Variants in CLASP1 observed in about 807,000 individuals in gnomAD.
CLASP1 encodes CLIP-associating protein 1.
Under a neutral mutation model 192.3 loss-of-function variants are expected in CLASP1, and 38 were observed. The observed-to-expected ratio is 0.20, with a 90% CI of 0.15 to 0.26. The LOEUF (loss-of-function observed/expected upper bound fraction) is 0.26, where lower values mean the gene tolerates loss of function less well. Among genes scored for constraint, CLASP1 ranks in the 10% least tolerant of loss-of-function variants. The probability of loss-of-function intolerance (pLI) is 1.00; values close to 1 mark genes in which losing one functional copy is unlikely to be tolerated. For missense variants in CLASP1, 1,433 were observed against 1,932.5 expected, an observed-to-expected ratio of 0.74 and a Z score of 4.85; for synonymous variants, 691 against 712.8, an observed-to-expected ratio of 0.97 and a Z score of 0.49.
intron 14 of CLASP1, among the ~76,000 whole-genome samples, chr2:121,456,372 G>C (rs1211758961): frequency 6.6e-6 from 1 of 151,266 alleles, no homozygotes; most frequent in Admixed American, 6.6e-5. Context: ...AAAAAGATTA[G>C]TGGGCCATGG....
intron 2 of CLASP1, among the ~76,000 whole-genome samples, chr2:121,543,723 G>A (rs1451720852): frequency 6.6e-6 from 1 of 151,986 alleles, no homozygotes; most frequent in Admixed American, 6.6e-5. Context: ...ACCCCAATCT[G>A]AATAGTACTT....
At chr2:121,585,401 T>C (rs1054097602) in intron 2 of CLASP1, among the ~76,000 whole-genome samples, 5 of 152,168 alleles carry the variant, frequency 3.3e-5, no homozygotes, top group Non-Finnish European at 7.4e-5. Flanking sequence ...TTTCAGAGGA[T>C]GTGCAGGTAC....
chr2:121,599,587 C>CA (rs763909303), intron 2 of CLASP1, among the ~76,000 whole-genome samples: 2,184 of 39,384 alleles, frequency 0.055, 62 homozygotes, highest in African/African-American at 0.085. Flanking sequence ...GACTCCATCT[C>CA]AAAAAAAAAA....
At chr2:121,493,569 C>T (rs2093409308) in intron 8 of CLASP1, among the ~76,000 whole-genome samples, 1 of 152,100 alleles carries the variant, frequency 6.6e-6, no homozygotes, top group Admixed American at 6.6e-5. Flanking sequence ...GGGAAACTCT[C>T]CAGGACATTG....
At chr2:121,461,344 A>C (rs1458573042) in intron 10 of CLASP1, 151 bp from the exon 11 acceptor site, 2 of 580,188 alleles carry the variant, frequency 3.4e-6, no homozygotes, top group Non-Finnish European at 3.0e-6. Flanking sequence ...AGTTTTGTCT[A>C]TAATGAGGAT....
intron 7 of CLASP1, among the ~76,000 whole-genome samples, chr2:121,513,839 C>T (rs1326877642): frequency 6.6e-6 from 1 of 152,194 alleles, no homozygotes; most frequent in Non-Finnish European, 1.5e-5. Flanking sequence ...AGACTCAGTG[C>T]CCTGGGTTTT....
chr2:121,509,138 C>A (rs1316918093), intron 7 of CLASP1, among the ~76,000 whole-genome samples: 5 of 152,134 alleles, frequency 3.3e-5, no homozygotes, highest in Admixed American at 3.3e-4. Context: ...CCAACTAGAA[C>A]AAACATCTAT....
chr2:121,631,144 G>A (rs2069527931), intron 1 of CLASP1, among the ~76,000 whole-genome samples: 1 of 95,314 alleles, frequency 1.0e-5, no homozygotes, highest in Non-Finnish European at 1.8e-5. Context: ...GGGTGACAAA[G>A]CGAGACTCCA....
At chr2:121,551,738 T>A (rs972555983) in intron 2 of CLASP1, among the ~76,000 whole-genome samples, 4 of 152,152 alleles carry the variant, frequency 2.6e-5, no homozygotes, top group African/African-American at 9.7e-5. Flanking sequence ...TGCCCATGGA[T>A]AGGAAGAATC....
intron 2 of CLASP1, among the ~76,000 whole-genome samples, chr2:121,586,180 T>C (rs1264834413): frequency 6.6e-6 from 1 of 152,232 alleles, no homozygotes; most frequent in Non-Finnish European, 1.5e-5. Flanking sequence ...CAGGCTGGAA[T>C]GCAGTGGCAT....
exon 20 of CLASP1, chr2:121,430,165 G>C: frequency 3.8e-6 from 6 of 1,566,636 alleles, no homozygotes; most frequent in Non-Finnish European, 4.3e-6. Flanking sequence ...TTGCCGTCTT[G>C]TGCGGATCCG....
chr2:121,405,737 T>C (rs1010453955), intron 25 of CLASP1, among the ~76,000 whole-genome samples: 1 of 152,210 alleles, frequency 6.6e-6, no homozygotes, highest in African/African-American at 2.4e-5. Context: ...ATTAAACAGA[T>C]TCTTGAGGAA....
At chr2:121,463,357 C>A (rs2088551153) in intron 9 of CLASP1, among the ~76,000 whole-genome samples, 1 of 152,112 alleles carries the variant, frequency 6.6e-6, no homozygotes, top group Non-Finnish European at 1.5e-5. Context: ...ACTCATGTAT[C>A]TGGTGTTCAG....
chr2:121,398,348 C>T, exon 29 of CLASP1: 1 of 1,599,504 alleles, frequency 6.3e-7, no homozygotes, highest in Non-Finnish European at 8.5e-7. Flanking sequence ...TGAGTTTGAT[C>T]CACAATAAAT....
At chr2:121,566,548 C>T (rs1370335518) in intron 2 of CLASP1, among the ~76,000 whole-genome samples, 1 of 152,144 alleles carries the variant, frequency 6.6e-6, no homozygotes, top group Non-Finnish European at 1.5e-5. Flanking sequence ...ACAGGACTTC[C>T]TTAGGTGAGC....
chr2:121,388,023 G>T, intron 30 of CLASP1, 117 bp from the exon 32 acceptor site: 2 of 751,054 alleles, frequency 2.7e-6, no homozygotes, highest in Non-Finnish European at 4.1e-6. Context: ...GGCATTCTAG[G>T]CATCAAAAAC....
chr2:121,514,153 T>C (rs2094220384), intron 7 of CLASP1, among the ~76,000 whole-genome samples: 1 of 152,182 alleles, frequency 6.6e-6, no homozygotes, highest in Admixed American at 6.5e-5. Flanking sequence ...TCCCCCTGAT[T>C]TGCTAGTTTG....
chr2:121,544,111 A>C (rs996754841), intron 2 of CLASP1, among the ~76,000 whole-genome samples: 1 of 152,182 alleles, frequency 6.6e-6, no homozygotes, highest in Non-Finnish European at 1.5e-5. Flanking sequence ...TTATAATGAC[A>C]CCCAAGTCAA....
intron 2 of CLASP1, among the ~76,000 whole-genome samples, chr2:121,537,284 C>T (rs554819590): frequency 6.6e-6 from 1 of 151,662 alleles, no homozygotes; most frequent in South Asian, 2.1e-4. Flanking sequence ...CTCAGCTACT[C>T]GCATCGCTGA....
Sources: allele counts gnomAD v4.1 joint callset (sites outside exome capture counted in the v4.1 genomes callset), GRCh38; gene constraint gnomAD v4.1.1; transcripts MANE v1.5; gene names NCBI Gene and HGNC (gene_info 2026-07-23, HGNC 2026-07-21).